Variants in HMGA2 observed in about 807,000 individuals in gnomAD.
HMGA2 encodes high mobility group AT-hook 2, also known as high mobility group protein HMGI-C.
Under a neutral mutation model 19.1 loss-of-function variants are expected in HMGA2, and 8 were observed. The ratio of observed to expected loss-of-function variants is 0.42; its 90% CI spans 0.25 to 0.76. The LOEUF is 0.76. Ranked by LOEUF, HMGA2 falls within the 30% of genes least tolerant of loss-of-function variation. The pLI, the probability that HMGA2 is intolerant of heterozygous loss-of-function variation, is 0.28. For missense variants in HMGA2, 109 were observed against 136.3 expected (o/e 0.80, Z 1.00); for synonymous variants, 60 against 48.8 (o/e 1.23, Z -0.96).
intron 3 of HMGA2, among the ~76,000 whole-genome samples, chr12:65,902,166 GT>G (rs374374733): frequency 0.012 from 1,829 of 149,126 alleles, 37 homozygotes; most frequent in African/African-American, 0.042. Flanking sequence ...ACTTTTAAGA[GT>G]TTTTTTTTTC....
intron 4 of HMGA2, chr12:65,952,705 ACT>A (rs1876498300): frequency 3.6e-6 from 1 of 281,230 alleles, no homozygotes; most frequent in Admixed American, 4.7e-5. Context: ...TCATCCTTTA[ACT>A]GTACAAAAAT....
chr12:65,826,045 G>A (rs577690017), intron 1 of HMGA2: 3 of 152,622 alleles, frequency 2.0e-5, no homozygotes, highest in African/African-American at 7.2e-5. Context: ...GGGCTACGGG[G>A]AGCCTGGTTC....
At chr12:65,936,024 T>C (rs1229793647) in intron 3 of HMGA2, among the ~76,000 whole-genome samples, 1 of 152,174 alleles carries the variant, frequency 6.6e-6, no homozygotes, top group Non-Finnish European at 1.5e-5. Flanking sequence ...TTCTCATACA[T>C]GTCTAATACA....
intron 3 of HMGA2, among the ~76,000 whole-genome samples, chr12:65,895,331 C>A (rs1874080017): frequency 6.6e-6 from 1 of 151,802 alleles, no homozygotes; most frequent in African/African-American, 2.4e-5. Flanking sequence ...ATTGTTTGGG[C>A]CTTAAGAAGG....
chr12:65,832,163 A>G (rs1245016774), intron 2 of HMGA2, among the ~76,000 whole-genome samples: 4 of 151,992 alleles, frequency 2.6e-5, no homozygotes, highest in South Asian at 2.1e-4. Context: ...TGACTTACCT[A>G]AACAATTGAC....
intron 2 of HMGA2, among the ~76,000 whole-genome samples, chr12:65,829,794 A>G (rs1339617723): frequency 2.6e-5 from 4 of 151,962 alleles, no homozygotes; most frequent in African/African-American, 9.7e-5. Flanking sequence ...GACTAACAAA[A>G]TTTGTATTGA....
intron 3 of HMGA2, among the ~76,000 whole-genome samples, chr12:65,936,487 G>A (rs183630963): frequency 6.6e-6 from 1 of 152,044 alleles, no homozygotes; most frequent in Non-Finnish European, 1.5e-5. Context: ...CCACAGAAAC[G>A]GCCAGGCTTA....
intron 3 of HMGA2, among the ~76,000 whole-genome samples, chr12:65,918,482 T>C (rs1420149338): frequency 6.6e-6 from 1 of 152,246 alleles, no homozygotes; most frequent in Non-Finnish European, 1.5e-5. Flanking sequence ...TAAGTTTTTT[T>C]ATGTTGAATG....
chr12:65,928,447 A>C (rs938390577), intron 3 of HMGA2, among the ~76,000 whole-genome samples: 1 of 152,198 alleles, frequency 6.6e-6, no homozygotes, highest in Non-Finnish European at 1.5e-5. Flanking sequence ...CTTTGTAAAC[A>C]CAGTACACTT....
chr12:65,836,402 C>T (rs1457787986), intron 2 of HMGA2, among the ~76,000 whole-genome samples: 1 of 151,978 alleles, frequency 6.6e-6, no homozygotes, highest in Non-Finnish European at 1.5e-5. Context: ...TTAAGGGTTC[C>T]ATCTAGTTAG....
At chr12:65,942,873 A>G (rs575509598) in intron 3 of HMGA2, among the ~76,000 whole-genome samples, 94 of 152,120 alleles carry the variant, frequency 6.2e-4, no homozygotes, top group African/African-American at 2.2e-3. Flanking sequence ...TTCTTAATGT[A>G]TTTCTTTGTG....
chr12:65,862,973 C>T (rs895218923), intron 3 of HMGA2, among the ~76,000 whole-genome samples: 22 of 152,190 alleles, frequency 1.4e-4, no homozygotes, highest in African/African-American at 3.9e-4. Context: ...CACGAACTTA[C>T]GCATGCTTCC....
chr12:65,875,792 CA>C (rs1449568374), intron 3 of HMGA2, among the ~76,000 whole-genome samples: 3 of 151,532 alleles, frequency 2.0e-5, no homozygotes, highest in African/African-American at 7.3e-5. Context: ...TGCCATTAGT[CA>C]ACTTTCTGTG....
intron 2 of HMGA2, among the ~76,000 whole-genome samples, chr12:65,830,224 T>C (rs908291807): frequency 6.6e-6 from 1 of 152,028 alleles, no homozygotes; most frequent in African/African-American, 2.4e-5. Context: ...GTTCATGGCA[T>C]GTGTAAACTT....
chr12:65,852,984 A>G (rs918546349), intron 3 of HMGA2, among the ~76,000 whole-genome samples: 4 of 152,168 alleles, frequency 2.6e-5, no homozygotes, highest in Non-Finnish European at 5.9e-5. Context: ...TGAGAAGGAA[A>G]CTTTGGGACA....
At chr12:65,845,311 C>A (rs532301048) in intron 3 of HMGA2, among the ~76,000 whole-genome samples, 5 of 152,200 alleles carry the variant, frequency 3.3e-5, no homozygotes, top group African/African-American at 9.6e-5. Flanking sequence ...CTCTGTCACC[C>A]AGGTTGGAGT....
chr12:65,957,223 A>T (rs978926589), intron 4 of HMGA2: 2 of 152,244 alleles, frequency 1.3e-5, no homozygotes, highest in African/African-American at 2.4e-5. Flanking sequence ...GGTTTTTCCT[A>T]GTCTATGCCA....
chr12:65,916,862 G>A (rs1279394199), intron 3 of HMGA2, among the ~76,000 whole-genome samples: 1 of 152,256 alleles, frequency 6.6e-6, no homozygotes, highest in Non-Finnish European at 1.5e-5. Flanking sequence ...GGTGAAGGTA[G>A]ACTTTGGCAG....
At chr12:65,949,139 T>G (rs560337957) in intron 3 of HMGA2, among the ~76,000 whole-genome samples, 7 of 152,288 alleles carry the variant, frequency 4.6e-5, no homozygotes, top group African/African-American at 1.7e-4. Context: ...GGTTCGATTT[T>G]CCCTGGAGAA....
Sources: gnomAD v4.1 joint callset for allele counts (sites outside exome capture counted in the v4.1 genomes callset) on GRCh38, gnomAD v4.1.1 for gene constraint, MANE v1.5 for transcripts, NCBI Gene and HGNC (gene_info 2026-07-23, HGNC 2026-07-21) for gene names.